The following COLGALT2 variants were observed in gnomAD, a reference collection of about 807,000 sequenced individuals.
COLGALT2 encodes procollagen galactosyltransferase 2.
COLGALT2 carries 49 observed loss-of-function variants against 73.4 expected under a neutral mutation model. That is an observed-to-expected ratio of 0.67 (90% CI 0.53 to 0.85). The LOEUF (loss-of-function observed/expected upper bound fraction) is 0.85, where lower values mean the gene tolerates loss of function less well. COLGALT2 is among the 40% of genes least tolerant of loss of function. The pLI is 0.00. For missense variants in COLGALT2, 722 were observed against 790.2 expected, an observed-to-expected ratio of 0.91 and a Z score of 1.03; for synonymous variants, 295 against 307.6, an observed-to-expected ratio of 0.96 and a Z score of 0.43.
intron 4 of COLGALT2, among the ~76,000 whole-genome samples, chr1:183,969,966 T>G (rs989362231): frequency 2.6e-5 from 4 of 152,206 alleles, no homozygotes. Context: ...CTGTAAAATT[T>G]AAGTAAGGTA....
At position 183,936,625 on chromosome 1, in the gene COLGALT2, T is replaced by C; in HGVS notation, c.*2136A>G. The C allele has an allele frequency of 8.3e-7, 1 of 1,203,700 alleles. No individual in the cohort carries two copies. The highest frequency in any genetic ancestry group is 1.0e-6 in the Non-Finnish European group (1 of 971,046). The allele number at this position is 1,203,700 out of a possible 1,614,324, so 74.6% of individuals were successfully genotyped here. ...CCTCCCACCCCATTAAAAAAGTCAT[T>C]AAAGTCATGCACACATGCACACACT... On this transcript the variant is annotated 3_prime_UTR_variant, in exon 12 of 12. Transcript: ENST00000361927.
At chr1:183,993,294 C>G (rs1305625374) in intron 1 of COLGALT2, among the ~76,000 whole-genome samples, 2 of 152,192 alleles carry the variant, frequency 1.3e-5, no homozygotes, top group Non-Finnish European at 2.9e-5. Flanking sequence ...AGTAACTTAT[C>G]TAAGAGGAAG....
At chr1:183,991,217 A>T (rs1002974334) in intron 1 of COLGALT2, among the ~76,000 whole-genome samples, 1 of 152,264 alleles carries the variant, frequency 6.6e-6, no homozygotes, top group African/African-American at 2.4e-5. Context: ...TAAGTGAACA[A>T]ATAAATGCTT....
At chr1:183,974,981 A>G in intron 3 of COLGALT2, 116 bp downstream of exon 3, 2 of 676,394 alleles carry the variant, frequency 3.0e-6, no homozygotes, top group Non-Finnish European at 5.1e-6. Context: ...AAAGTGGGGG[A>G]GGCACTGCCT....
intron 6 of COLGALT2, among the ~76,000 whole-genome samples, chr1:183,958,775 ATTACCTTCTCTT>A (rs1670619410): frequency 6.7e-6 from 1 of 149,580 alleles, no homozygotes; most frequent in Non-Finnish European, 1.5e-5. Context: ...TCACCTTATA[ATTACCTTCTCTT>A]TTACATCATC....
intron 8 of COLGALT2, among the ~76,000 whole-genome samples, chr1:183,949,963 T>C (rs1016244633): frequency 2.0e-5 from 3 of 152,216 alleles, no homozygotes; most frequent in African/African-American, 7.2e-5. Flanking sequence ...TAAACTCTAC[T>C]GCACCCAAGA....
At chr1:183,983,209 G>A (rs940272813) in intron 1 of COLGALT2, among the ~76,000 whole-genome samples, 1 of 152,184 alleles carries the variant, frequency 6.6e-6, no homozygotes, top group Non-Finnish European at 1.5e-5. Flanking sequence ...TTGGAGAGAG[G>A]TGCATGAATC....
chr1:184,012,000 A>T (rs1210767124), intron 1 of COLGALT2, among the ~76,000 whole-genome samples: 1 of 152,210 alleles, frequency 6.6e-6, no homozygotes, highest in East Asian at 1.9e-4. Context: ...GCAGAAAAGG[A>T]ATGATTTTTC....
At chr1:184,016,854 T>C (rs1649018607) in intron 1 of COLGALT2, among the ~76,000 whole-genome samples, 1 of 152,248 alleles carries the variant, frequency 6.6e-6, no homozygotes. Flanking sequence ...TACTTCCTTA[T>C]ATTGTTGTTT....
At chr1:183,965,333 AT>A (rs1487408036) in intron 5 of COLGALT2, among the ~76,000 whole-genome samples, 8 of 152,366 alleles carry the variant, frequency 5.3e-5, no homozygotes, top group Admixed American at 5.2e-4. Context: ...CCATAAAAAA[AT>A]GATATGATAC....
chr1:183,949,778 A>G (rs1350073508), intron 8 of COLGALT2, among the ~76,000 whole-genome samples: 1 of 152,262 alleles, frequency 6.6e-6, no homozygotes, highest in Non-Finnish European at 1.5e-5. Flanking sequence ...TACCATCATG[A>G]AATTGTGACA....
At chr1:183,953,145 C>T (rs531092749) in intron 7 of COLGALT2, among the ~76,000 whole-genome samples, 32 of 152,304 alleles carry the variant, frequency 2.1e-4, no homozygotes, top group Non-Finnish European at 4.4e-4. Flanking sequence ...GAAGTAAAAA[C>T]ACAGATGGCT....
In COLGALT2 at chr1:183,963,888, C is replaced by T. The variant is rs115941735; in HGVS notation, c.952+13G>A. On this transcript the variant is annotated intron_variant, in intron 6 of 11. Coordinates refer to ENST00000361927, the MANE Select transcript of COLGALT2 (RefSeq NM_015101.4). ...GGAACGAGAGCCATCCCCTCTGCTC[C>T]TGGGTCACTCACTCATTGCTTCAAT... 2.4e-3 allele frequency: 3,826 copies of T among 1,591,936 alleles called. 11 individuals are homozygous for T. Among genetic ancestry groups the T allele is most frequent in the Non-Finnish European group, 2.9e-3 (3,423 of 1,168,016 alleles).
chr1:184,032,519 A>G (rs1200331704), intron 1 of COLGALT2, among the ~76,000 whole-genome samples: 3 of 152,290 alleles, frequency 2.0e-5, no homozygotes, highest in East Asian at 1.9e-4. Context: ...GCTCTAGTCT[A>G]TCTGACCCTA....
intron 4 of COLGALT2, among the ~76,000 whole-genome samples, chr1:183,970,808 TATC>T (rs760559033): frequency 6.5e-4 from 99 of 152,360 alleles, no homozygotes; most frequent in Non-Finnish European, 1.2e-3. Context: ...TATGAAGTAT[TATC>T]ATTACTATAA....
chr1:183,977,430 C>T (rs1286592859), intron 2 of COLGALT2, among the ~76,000 whole-genome samples: 4 of 147,656 alleles, frequency 2.7e-5, no homozygotes, highest in African/African-American at 1.0e-4. Context: ...AAGATTGCAC[C>T]ACTGCACTCC....
intron 1 of COLGALT2, among the ~76,000 whole-genome samples, chr1:184,009,383 G>A (rs551617023): frequency 3.3e-5 from 5 of 152,336 alleles, no homozygotes; most frequent in South Asian, 4.1e-4. Flanking sequence ...TGAGGTATAA[G>A]TACAATTAAT....
intron 2 of COLGALT2, 79 bp from the exon 3 acceptor site, chr1:183,975,293 T>G: frequency 1.3e-6 from 1 of 765,152 alleles, no homozygotes; most frequent in Non-Finnish European, 2.1e-6. Flanking sequence ...TATGTATTCA[T>G]TTAATCTTCT....
intron 6 of COLGALT2, 26 bp downstream of exon 6, chr1:183,963,875 A>G: frequency 6.4e-7 from 1 of 1,558,826 alleles, no homozygotes; most frequent in Non-Finnish European, 8.7e-7. Context: ...AACGAGAGCC[A>G]TCCCCTCTGC....
Sources: allele counts gnomAD v4.1 joint callset (sites outside exome capture counted in the v4.1 genomes callset), GRCh38; gene constraint gnomAD v4.1.1; transcripts MANE v1.5; gene names NCBI Gene and HGNC (gene_info 2026-07-23, HGNC 2026-07-21).